The following LRP2 variants were observed in gnomAD, a reference collection of about 807,000 sequenced individuals.
LRP2 encodes the protein low-density lipoprotein receptor-related protein 2.
In LRP2, 172 loss-of-function variants were observed where a neutral mutation model predicts 531.0. The observed-to-expected ratio is 0.32, with a 90% CI of 0.29 to 0.37. LRP2 has a LOEUF of 0.37. Ranked by LOEUF, LRP2 falls within the 10% of genes least tolerant of loss-of-function variation. The pLI, the probability that LRP2 is intolerant of heterozygous loss-of-function variation, is 1.00. For synonymous variants in LRP2, 1,992 were observed against 2,027.6 expected (o/e 0.98, Z 0.47); for missense variants, 5,167 against 5,868.3 (o/e 0.88, Z 3.90).
At chr2:169,337,943 C>CA (rs1424105737) in intron 1 of LRP2, among the ~76,000 whole-genome samples, 3 of 151,992 alleles carry the variant, frequency 2.0e-5, no homozygotes, top group Non-Finnish European at 2.9e-5. Context: ...CCAGTATCTA[C>CA]AAAAACAAAA....
chr2:169,292,637 G>C (rs1168953905), intron 6 of LRP2, among the ~76,000 whole-genome samples: 2 of 151,904 alleles, frequency 1.3e-5, no homozygotes, highest in South Asian at 2.1e-4. Context: ...GGGCAACATG[G>C]TGAGACCTCA....
intron 49 of LRP2, 83 bp from the exon 50 acceptor site, chr2:169,186,102 A>T: frequency 8.4e-7 from 1 of 1,183,668 alleles, no homozygotes; most frequent in Non-Finnish European, 1.2e-6. Flanking sequence ...CATTTCTACT[A>T]AACAGTGCCA....
chr2:169,326,638 C>A (rs1242879469), intron 1 of LRP2, among the ~76,000 whole-genome samples: 2 of 152,164 alleles, frequency 1.3e-5, no homozygotes, highest in East Asian at 3.9e-4. Flanking sequence ...CGGCCACCAC[C>A]CCGTCTGGGA....
At chr2:169,190,657 A>G (rs542000848) in intron 48 of LRP2, among the ~76,000 whole-genome samples, 6 of 152,206 alleles carry the variant, frequency 3.9e-5, no homozygotes, top group African/African-American at 1.4e-4. Context: ...TGATGCTCTC[A>G]ATGTGCCTGT....
chr2:169,311,209 G>T (rs1281569816), intron 3 of LRP2, among the ~76,000 whole-genome samples: 1 of 152,064 alleles, frequency 6.6e-6, no homozygotes, highest in Non-Finnish European at 1.5e-5. Context: ...CTTCAGTTCT[G>T]CTCTGATCTT....
Position 169,243,533 on chromosome 2 carries a change from C to G in LRP2, c.3431-11G>C, listed in dbSNP as rs769201512. ...ATGTCTCTGTCGAATCTAATGTCAT[C>G]CGAAAACAAAACCAACAAGTTTATT... is the stretch of plus-strand genomic sequence containing the variant. On this transcript the variant is annotated splice_polypyrimidine_tract_variant and intron_variant, in intron 22 of 78. Transcript: ENST00000649046. 21 of 1,613,796 alleles carry G rather than the reference C, an allele frequency of 1.3e-5. No homozygotes were observed. The highest frequency in any genetic ancestry group is 1.8e-5 in the Non-Finnish European group (21 of 1,179,878).
intron 62 of LRP2, among the ~76,000 whole-genome samples, chr2:169,163,302 A>G (rs1421403159): frequency 6.6e-6 from 1 of 152,214 alleles, no homozygotes; most frequent in African/African-American, 2.4e-5. Context: ...AGATAGTATA[A>G]GAAAGAGAGA....
chr2:169,337,840 C>T (rs1013612156), intron 1 of LRP2, among the ~76,000 whole-genome samples: 6 of 152,338 alleles, frequency 3.9e-5, no homozygotes, highest in African/African-American at 1.4e-4. Context: ...GGTAAGGTAG[C>T]TCACGCCTAT....
chr2:169,277,339 C>T (rs1683583449), intron 13 of LRP2, among the ~76,000 whole-genome samples: 1 of 151,912 alleles, frequency 6.6e-6, no homozygotes, highest in African/African-American at 2.4e-5. Context: ...CAATTAATTC[C>T]CAGTAGGCAA....
At chr2:169,142,891 A>G in intron 70 of LRP2, 98 bp from the exon 71 acceptor site, 1 of 1,370,992 alleles carries the variant, frequency 7.3e-7, no homozygotes, top group Non-Finnish European at 1.0e-6. Flanking sequence ...AGCAGAGCCT[A>G]GGCATCCTCT....
At chr2:169,157,534 G>A in intron 63 of LRP2, 32 bp from the exon 64 acceptor site, 2 of 1,609,860 alleles carry the variant, frequency 1.2e-6, no homozygotes, top group Non-Finnish European at 8.5e-7. Flanking sequence ...TTACAAACCA[G>A]ATCAGCCACA....
intron 52 of LRP2, among the ~76,000 whole-genome samples, chr2:169,179,221 G>T (rs938195684): frequency 4.6e-5 from 7 of 151,948 alleles, no homozygotes; most frequent in Non-Finnish European, 7.4e-5. Flanking sequence ...TGCCCAAGCT[G>T]GTCTTGAACT....
intron 1 of LRP2, among the ~76,000 whole-genome samples, chr2:169,333,766 A>C (rs1685329976): frequency 6.6e-6 from 1 of 152,180 alleles, no homozygotes; most frequent in Non-Finnish European, 1.5e-5. Flanking sequence ...CTTTTAACAG[A>C]CTGAGCAAAA....
At chr2:169,328,644 A>G (rs1369049560) in intron 1 of LRP2, among the ~76,000 whole-genome samples, 1 of 152,110 alleles carries the variant, frequency 6.6e-6, no homozygotes. Context: ...ATAAAGCTTT[A>G]TACATATCCA....
intron 17 of LRP2, 80 bp downstream of exon 17, chr2:169,258,945 T>A: frequency 1.6e-6 from 2 of 1,247,556 alleles, no homozygotes; most frequent in African/African-American, 3.0e-5. Flanking sequence ...TGAACTTACC[T>A]AAATCCCTAG....
In LRP2 at chr2:169,202,931, T is replaced by G. The variant is rs746742116; in HGVS notation, c.8034A>C (p.Pro2678=). 6.2e-7 allele frequency: 1 copy of G among 1,614,212 alleles called. No homozygotes were observed. The highest frequency in any genetic ancestry group is 1.1e-5 in the South Asian group (1 of 91,088). Reference sequence around the variant, plus strand: ...TGGCCAAATACCAGTTGCCCTCATGTGGACACTGGCACTCGGCACCATTTG... The same window carrying G: ...TGGCCAAATACCAGTTGCCCTCATGGGGACACTGGCACTCGGCACCATTTG... The part of the protein sequence containing the change: ...PGPNGAECQC[P]HEGNWYLANN... The change falls in exon 43 of 79, where the codon CCA becomes CCC. Residue 2678 remains proline (P), a synonymous_variant. Coordinates refer to ENST00000649046, the MANE Select transcript of LRP2 (RefSeq NM_004525.3).
rs978978552 is a variant in LRP2 at position 169,205,067 on chromosome 2, A to G, written c.7715+412T>C. ...TTTTTTTTAAGAAAAGAATTTTCTA[A>G]AAGACATTGAATGCTAAAGCCCAGA... On this transcript the variant is annotated intron_variant, in intron 41 of 78. Transcript: ENST00000649046. 2.0e-5 allele frequency among the ~76,000 whole-genome samples: 3 copies of G among 152,292 alleles called. No individual in the cohort carries two copies. In the South Asian group the frequency reaches 6.2e-4, roughly 32 times the overall value.
chr2:169,360,995 C>A (rs1686133120), intron 1 of LRP2, among the ~76,000 whole-genome samples: 1 of 152,218 alleles, frequency 6.6e-6, no homozygotes, highest in Non-Finnish European at 1.5e-5. Context: ...TTCCACATTC[C>A]CCACCCATCA....
Position 169,297,203 on chromosome 2 carries a change from C to G in LRP2, c.428-2493G>C, listed in dbSNP as rs564290022. On this transcript the variant is annotated intron_variant, in intron 4 of 78. Transcript: ENST00000649046. ...GAAAGAAATGAATGGATTCTACTAC[C>G]ATTGCTAAAGATGTTAATGAGTTTC... Among the ~76,000 whole-genome samples the G allele has an allele frequency of 3.0e-4, 46 of 152,272 alleles. 1 individual carries two copies. The Middle Eastern group carries it at 0.01, about 34-fold the overall frequency.
Sources: gnomAD v4.1 joint callset for allele counts (sites outside exome capture counted in the v4.1 genomes callset) on GRCh38, gnomAD v4.1.1 for gene constraint, MANE v1.5 for transcripts, NCBI Gene and HGNC (gene_info 2026-07-23, HGNC 2026-07-21) for gene names.